Variants in ULK4 observed in about 807,000 individuals in gnomAD.
ULK4 encodes the protein unc-51 like kinase 4, also known as inactive serine/threonine-protein kinase ULK4.
In ULK4, 133 loss-of-function variants were observed where a neutral mutation model predicts 160.6. The ratio of observed to expected loss-of-function variants is 0.83; its 90% CI spans 0.72 to 0.96. The LOEUF (loss-of-function observed/expected upper bound fraction) is 0.96, where lower values mean the gene tolerates loss of function less well. ULK4 is among the 40% of genes least tolerant of loss of function. The probability of loss-of-function intolerance (pLI) is 0.00; values close to 1 mark genes in which losing one functional copy is unlikely to be tolerated. For missense variants in ULK4, 1,580 were observed against 1,499.5 expected (o/e 1.05, Z -0.89); for synonymous variants, 534 against 539.8 (o/e 0.99, Z 0.15).
At chr3:41,262,045 C>T (rs1374476421) in intron 35 of ULK4, among the ~76,000 whole-genome samples, 1 of 152,150 alleles carries the variant, frequency 6.6e-6, no homozygotes, top group Non-Finnish European at 1.5e-5. Context: ...GGGATGGAGG[C>T]CCAGATTGGG....
chr3:41,615,180 T>C (rs2032902138), intron 31 of ULK4, among the ~76,000 whole-genome samples: 1 of 152,136 alleles, frequency 6.6e-6, no homozygotes, highest in Non-Finnish European at 1.5e-5. Context: ...AATTAAATTG[T>C]ATTCTGTGAA....
At chr3:41,649,450 T>C (rs1271400859) in intron 30 of ULK4, among the ~76,000 whole-genome samples, 3 of 152,042 alleles carry the variant, frequency 2.0e-5, no homozygotes, top group Non-Finnish European at 2.9e-5. Flanking sequence ...TCTCCAGGCC[T>C]GGAAAGCCCC....
intron 21 of ULK4, among the ~76,000 whole-genome samples, chr3:41,770,715 G>A (rs1234819507): frequency 6.6e-6 from 1 of 152,024 alleles, no homozygotes; most frequent in African/African-American, 2.4e-5. Context: ...GTCTCGCCAT[G>A]TTGGCCAGGC....
chr3:41,826,035 C>T (rs1459612856), intron 18 of ULK4, among the ~76,000 whole-genome samples: 1 of 152,098 alleles, frequency 6.6e-6, no homozygotes, highest in Non-Finnish European at 1.5e-5. Context: ...ATTTTCAACC[C>T]AGAATTTCAT....
chr3:41,764,455 A>C (rs1391918736), intron 21 of ULK4, among the ~76,000 whole-genome samples: 2 of 152,208 alleles, frequency 1.3e-5, no homozygotes, highest in Non-Finnish European at 2.9e-5. Context: ...ATCATACAAA[A>C]AAAAGTGGGT....
At chr3:41,298,890 G>A (rs780203521) in intron 35 of ULK4, among the ~76,000 whole-genome samples, 16 of 152,286 alleles carry the variant, frequency 1.1e-4, no homozygotes, top group Admixed American at 2.0e-4. Context: ...GGTCATTGAA[G>A]GTGATAAGGA....
chr3:41,744,121 C>T (rs900244557), intron 22 of ULK4, among the ~76,000 whole-genome samples: 4 of 151,678 alleles, frequency 2.6e-5, no homozygotes, highest in Admixed American at 1.3e-4. Context: ...ATAAAAGAAT[C>T]CCAAATGTTC....
chr3:41,315,664 G>A (rs2080131077), intron 35 of ULK4, among the ~76,000 whole-genome samples: 2 of 152,124 alleles, frequency 1.3e-5, no homozygotes, highest in African/African-American at 4.8e-5. Flanking sequence ...CCTACTCTAG[G>A]CTGGTGTAGC....
intron 27 of ULK4, among the ~76,000 whole-genome samples, chr3:41,687,632 A>C (rs2036144412): frequency 6.6e-6 from 1 of 152,178 alleles, no homozygotes; most frequent in Admixed American, 6.5e-5. Flanking sequence ...TTCCCATATA[A>C]GGATATAAGG....
chr3:41,372,908 A>G (rs971426653), intron 35 of ULK4, among the ~76,000 whole-genome samples: 1 of 152,212 alleles, frequency 6.6e-6, no homozygotes, highest in African/African-American at 2.4e-5. Context: ...TCACATGCAA[A>G]GACACTCATA....
At chr3:41,818,489 G>T (rs973010559) in intron 19 of ULK4, among the ~76,000 whole-genome samples, 3 of 152,194 alleles carry the variant, frequency 2.0e-5, no homozygotes, top group Non-Finnish European at 4.4e-5. Flanking sequence ...CACGTCTTTT[G>T]ATGATAGCTG....
intron 31 of ULK4, among the ~76,000 whole-genome samples, chr3:41,611,381 T>C (rs1401422131): frequency 6.6e-6 from 1 of 152,104 alleles, no homozygotes; most frequent in African/African-American, 2.4e-5. Context: ...TCTCCACTGT[T>C]TGGCCTGCCA....
chr3:41,264,427 A>C (rs1575369598), intron 35 of ULK4, among the ~76,000 whole-genome samples: 1 of 152,242 alleles, frequency 6.6e-6, no homozygotes, highest in East Asian at 1.9e-4. Flanking sequence ...CAGTGGCAGA[A>C]GCAGTGCCTT....
At chr3:41,583,949 G>C (rs1005551319) in intron 31 of ULK4, among the ~76,000 whole-genome samples, 59 of 152,212 alleles carry the variant, frequency 3.9e-4, no homozygotes, top group Admixed American at 1.6e-3. Context: ...CATATATGCA[G>C]ACAGTGTTTT....
intron 35 of ULK4, among the ~76,000 whole-genome samples, chr3:41,260,464 G>C (rs1015050335): frequency 2.0e-5 from 3 of 152,212 alleles, no homozygotes; most frequent in African/African-American, 7.2e-5. Flanking sequence ...AGACTGAATG[G>C]AATAATTTTC....
intron 16 of ULK4, among the ~76,000 whole-genome samples, chr3:41,886,451 C>T (rs879273961): frequency 1.3e-5 from 2 of 151,828 alleles, no homozygotes; most frequent in Non-Finnish European, 2.9e-5. Flanking sequence ...TAAGGCTGTA[C>T]AAGGCAAACA....
At chr3:41,930,114 A>G (rs992988920) in intron 5 of ULK4, among the ~76,000 whole-genome samples, 1 of 152,194 alleles carries the variant, frequency 6.6e-6, no homozygotes, top group Admixed American at 6.5e-5. Flanking sequence ...TAACCAAAAC[A>G]GTATGGTACT....
At chr3:41,948,536 AT>A (rs1340058968) in intron 2 of ULK4, among the ~76,000 whole-genome samples, 1 of 152,154 alleles carries the variant, frequency 6.6e-6, no homozygotes, top group Non-Finnish European at 1.5e-5. Flanking sequence ...TGTCAACAAA[AT>A]GCAAGCAAAT....
At chr3:41,913,996 T>G (rs1009923255) in intron 8 of ULK4, among the ~76,000 whole-genome samples, 1 of 152,096 alleles carries the variant, frequency 6.6e-6, no homozygotes, top group African/African-American at 2.4e-5. Flanking sequence ...GGAAAGAATA[T>G]CAGCTTCATA....
Sources: allele counts gnomAD v4.1 joint callset (sites outside exome capture counted in the v4.1 genomes callset), GRCh38; gene constraint gnomAD v4.1.1; transcripts MANE v1.5; gene names NCBI Gene and HGNC (gene_info 2026-07-23, HGNC 2026-07-21).